IGHMBP2: variants seen among roughly 807,000 people sequenced by gnomAD.
IGHMBP2 encodes the protein immunoglobulin mu DNA binding protein 2.
In IGHMBP2, 81 loss-of-function variants were observed where a neutral mutation model predicts 96.0. That is an observed-to-expected ratio of 0.84 (90% CI 0.71 to 1.01). IGHMBP2 has a LOEUF of 1.01. Ranked by LOEUF, IGHMBP2 falls within the 50% of genes least tolerant of loss-of-function variation. IGHMBP2 has a pLI of 0.00. For synonymous variants in IGHMBP2, 557 were observed against 548.9 expected (o/e 1.01, Z -0.21); for missense variants, 1,227 against 1,306.3 (o/e 0.94, Z 0.94).
rs566353280 is a variant in IGHMBP2 at position 68,910,532 on chromosome 11, G to A, written c.548-908G>A. Among the ~76,000 whole-genome samples the A allele has an allele frequency of 8.5e-5, 13 of 152,328 alleles. No homozygotes were observed. The East Asian group carries it at 1.5e-3, about 18-fold the overall frequency. ...CTCTGTGTAGTGGGCACCATGTAGC[G>A]AATGCCATGGCTGCAGGGCTGAGCA... On this transcript the variant is annotated intron_variant, in intron 4 of 14. Transcript: ENST00000255078.
rs1009805424 is a variant in IGHMBP2 at position 68,917,808 on chromosome 11, G to C, written c.985G>C (p.Glu329Gln). Residue 329 changes from glutamate to glutamine, a missense_variant, in exon 7 of 15, where the codon GAA (glutamate) becomes CAA (glutamine). Around this residue, in one of 3 missense-constraint regions of IGHMBP2, gnomAD observed 507 missense variants for 496.9 expected, o/e 1.02. Transcript: ENST00000255078. The stretch of plus-strand genomic sequence containing the variant: ...AAATGAAATTAAGCTGTTAAGAAAA[G>C]AACTGAAGGAGAGGGAAGAAGCAGC... ...FRNEIKLLRK[E>Q]LKEREEAAML... The C allele has an allele frequency of 1.2e-6, 2 of 1,613,898 alleles. No individual in the cohort carries two copies. The highest frequency in any genetic ancestry group is 2.7e-5 in the African/African-American group (2 of 75,050).
chr11:68,914,741 T>G (rs1296003708), intron 5 of IGHMBP2, 82 bp from the exon 6 acceptor site: 10 of 1,445,962 alleles, frequency 6.9e-6, no homozygotes, highest in Middle Eastern at 1.7e-4. Flanking sequence ...CTTTCTACCT[T>G]TAAGGCTTTT....
chr11:68,922,755 T>C (rs369995027), intron 7 of IGHMBP2, among the ~76,000 whole-genome samples: 20 of 152,212 alleles, frequency 1.3e-4, no homozygotes, highest in African/African-American at 4.8e-4. Flanking sequence ...AATGTTTAAG[T>C]GTACTATATA....
At chr11:68,926,852 G>T (rs57340099) in intron 7 of IGHMBP2, among the ~76,000 whole-genome samples, 159 of 152,008 alleles carry the variant, frequency 1.0e-3, no homozygotes, top group African/African-American at 3.6e-3. Context: ...TGCAACCTCC[G>T]TCTCCTAGGT....
rs1858298712 is a variant in IGHMBP2, at chr11:68,908,650, T to C, written c.547+19T>C. On this transcript the variant is annotated intron_variant, in intron 4 of 14. Coordinates refer to ENST00000255078, the MANE Select transcript of IGHMBP2 (RefSeq NM_002180.3). ...GAAATACGTAAGAACTTCTGAGTTTTCTTTTTTGGTTGAAATCACTACTGA... is the reference window on the plus strand; with the variant it reads ...GAAATACGTAAGAACTTCTGAGTTTCCTTTTTTGGTTGAAATCACTACTGA... The C allele has an allele frequency of 1.3e-6, 2 of 1,558,576 alleles. No individual in the cohort carries two copies. Among genetic ancestry groups the C allele is most frequent in the Admixed American group, 1.7e-5 (1 of 59,920 alleles).
chr11:68,939,617 C>G lies in IGHMBP2; in HGVS notation c.2868C>G (p.Thr956=), dbSNP rs752024072. Residue 956 remains threonine (T), a synonymous_variant, in exon 15 of 15, where the codon ACC becomes ACG. Transcript: ENST00000255078. ...GGGTCCTCTATGCCGGCAGCGGGAC[C>G]AAGAACGGATCCCTGGACCCAGCCA... The part of the protein sequence containing the change: ...REGVLYAGSG[T]KNGSLDPAKR... 9.3e-6 allele frequency: 15 copies of G among 1,613,440 alleles called. No homozygotes were observed. The South Asian group carries it at 1.6e-4, about 18-fold the overall frequency.
chr11:68,922,586 G>T (rs1038498080), intron 7 of IGHMBP2, among the ~76,000 whole-genome samples: 1 of 152,024 alleles, frequency 6.6e-6, no homozygotes, highest in Admixed American at 6.6e-5. Context: ...AGTAGAGACG[G>T]GGTTTCACCA....
rs1483165002 is a variant in IGHMBP2, at chr11:68,935,396, T to C, written c.1730T>C (p.Leu577Pro). The change falls in exon 12 of 15, where the codon CTG becomes CCG. Residue 577 changes from leucine to proline, a missense_variant. By Grantham distance (98) the Leu-to-Pro change is moderately conservative. Transcript: ENST00000255078. ...FQGREKEAVI[L>P]SFVRSNRKGE... is the part of the protein sequence containing the mutation. ...GGCCGAGAGAAGGAGGCCGTGATAC[T>C]GTCCTTCGTCAGATCCAACAGGAAA... 2 of 1,614,016 alleles carry C rather than the reference T, an allele frequency of 1.2e-6. No homozygotes were observed. Among genetic ancestry groups the C allele is most frequent in the African/African-American group, 1.3e-5 (1 of 74,956 alleles).
chr11:68,907,303 A>G (rs1276986583), intron 2 of IGHMBP2, among the ~76,000 whole-genome samples: 2 of 152,172 alleles, frequency 1.3e-5, no homozygotes, highest in African/African-American at 4.8e-5. Flanking sequence ...GACTCTCTTT[A>G]TGTTTCTATG....
intron 7 of IGHMBP2, among the ~76,000 whole-genome samples, chr11:68,920,241 A>G (rs1858829493): frequency 6.6e-6 from 1 of 152,096 alleles, no homozygotes; most frequent in East Asian, 1.9e-4. Flanking sequence ...TTTTATTTTT[A>G]AGAGACAGGG....
At chr11:68,932,079 T>C (rs1317091579) in intron 8 of IGHMBP2, among the ~76,000 whole-genome samples, 10 of 141,530 alleles carry the variant, frequency 7.1e-5, no homozygotes, top group Admixed American at 7.0e-5. Context: ...GGGGAAAACA[T>C]TGGGTGGCGT....
intron 8 of IGHMBP2, among the ~76,000 whole-genome samples, chr11:68,931,410 C>T (rs1859292928): frequency 6.6e-6 from 1 of 152,118 alleles, no homozygotes; most frequent in South Asian, 2.1e-4. Flanking sequence ...CCCAGGTCTG[C>T]AGCCACAGAT....
rs547681612 is a variant in IGHMBP2, at chr11:68,917,846, C to G, written c.1023C>G (p.Ser341Arg). The part of the protein sequence containing the change: ...KEREEAAMLE[S>R]LTSANVVLAT... ...GGGAAGAAGCAGCTATGCTCGAGAG[C>G]CTCACTTCGGCAAACGTGGTCCTTG... Residue 341 changes from serine (S) to arginine (R), a missense_variant, in exon 7 of 15, where the codon AGC becomes AGG. By Grantham distance (110) the Ser-to-Arg change is moderately radical. Around this residue, in one of 3 missense-constraint regions of IGHMBP2, gnomAD observed 507 missense variants for 496.9 expected, o/e 1.02. Transcript: ENST00000255078. The G allele has an allele frequency of 6.8e-6, 11 of 1,614,120 alleles. No homozygotes were observed. The African/African-American group carries it at 8.0e-5, about 12-fold the overall frequency.
chr11:68,910,709 C>T (rs537896804), intron 4 of IGHMBP2, among the ~76,000 whole-genome samples: 1 of 152,002 alleles, frequency 6.6e-6, no homozygotes, highest in African/African-American at 2.4e-5. Flanking sequence ...CGGTGAATCC[C>T]CGTCTCTACT....
At position 68,939,705 on chromosome 11, in the gene IGHMBP2, A is replaced by G. The variant is rs753469524; in HGVS notation, c.2956A>G (p.Ser986Gly). ...KLSELSNQRT[S>G]RRKERGT is the part of the protein sequence containing the mutation. ...GAGTGAGCTCAGCAACCAGAGGACC[A>G]GCCGGAGGAAGGAGAGGGGGACGTG... The change falls in exon 15 of 15, where the codon AGC becomes GGC. Residue 986 changes from serine to glycine, a missense_variant. Around this residue, in one of 3 missense-constraint regions of IGHMBP2, gnomAD observed 703 missense variants for 770.3 expected, o/e 0.91. Coordinates refer to ENST00000255078, the MANE Select transcript of IGHMBP2 (RefSeq NM_002180.3). 3.7e-6 allele frequency: 6 copies of G among 1,611,582 alleles called. No individual in the cohort carries two copies. The South Asian group carries it at 6.6e-5, about 18-fold the overall frequency.
At chr11:68,904,174 C>T in intron 1 of IGHMBP2, 136 bp downstream of exon 1, 1 of 755,286 alleles carries the variant, frequency 1.3e-6, no homozygotes, top group Non-Finnish European at 2.3e-6. Context: ...AGGGATCGTC[C>T]GTCCCCTGCT....
At position 68,937,078 on chromosome 11, in the gene IGHMBP2, GAAAA is replaced by G. The variant is rs767088664; in HGVS notation, c.2601_2604del (p.Lys868ProfsTer109). On this transcript the variant is annotated frameshift_variant, in exon 13 of 15. Transcript: ENST00000255078. LOFTEE classifies it high-confidence loss of function. ...AGCAGAAACTTCCAGAAAAGAAAAA[GAAAA>G]AAGCCAAAGGTAAGTCAACTAATAA... 1 of 1,598,400 alleles carries G rather than the reference GAAAA, an allele frequency of 6.3e-7. No individual in the cohort carries two copies. The highest frequency in any genetic ancestry group is 8.5e-7 in the Non-Finnish European group (1 of 1,179,760).
intron 7 of IGHMBP2, among the ~76,000 whole-genome samples, chr11:68,922,184 G>C (rs926140423): frequency 6.6e-6 from 1 of 151,878 alleles, no homozygotes; most frequent in African/African-American, 2.4e-5. Flanking sequence ...AGGGTGTGGT[G>C]GTGGGCACCT....
chr11:68,935,185 G>T, intron 11 of IGHMBP2, 114 bp from the exon 12 acceptor site: 1 of 1,424,624 alleles, frequency 7.0e-7, no homozygotes, highest in Non-Finnish European at 9.6e-7. Flanking sequence ...TGCAGGCTCC[G>T]CTTCCCAGGT....
Sources: gnomAD v4.1 joint callset for allele counts (sites outside exome capture counted in the v4.1 genomes callset) on GRCh38, gnomAD v4.1.1 for gene constraint, gnomAD v4.1.1 regional missense constraint, MANE v1.5 for transcripts, NCBI Gene and HGNC (gene_info 2026-07-23, HGNC 2026-07-21) for gene names.